The following NINL variants were observed in gnomAD, a reference collection of about 807,000 sequenced individuals.
The protein encoded by NINL is ninein like.
In NINL, 153 loss-of-function variants were observed where a neutral mutation model predicts 160.3. That is an observed-to-expected ratio of 0.95 (90% CI 0.84 to 1.09). The LOEUF is 1.09. Among genes scored for constraint, NINL ranks in the 50% least tolerant of loss-of-function variants. The probability of loss-of-function intolerance (pLI) is 0.00; values close to 1 mark genes in which losing one functional copy is unlikely to be tolerated. For missense variants in NINL, 1,829 were observed against 1,764.0 expected (o/e 1.04, Z -0.66); for synonymous variants, 800 against 734.8 (o/e 1.09, Z -1.43).
chr20:25,542,805 C>T (rs1233870273), intron 1 of NINL, among the ~76,000 whole-genome samples: 2 of 124,458 alleles, frequency 1.6e-5, no homozygotes, highest in African/African-American at 6.0e-5. Context: ...CTGAGGCGGG[C>T]GGATCATTTG....
intron 1 of NINL, among the ~76,000 whole-genome samples, chr20:25,529,003 G>C (rs1211942247): frequency 1.3e-5 from 2 of 152,176 alleles, no homozygotes; most frequent in African/African-American, 4.8e-5. Flanking sequence ...TACGGAAGTT[G>C]GAGTCAGAAA....
chr20:25,569,426 C>A (rs2065030685), intron 1 of NINL, among the ~76,000 whole-genome samples: 1 of 152,166 alleles, frequency 6.6e-6, no homozygotes, highest in South Asian at 2.1e-4. Flanking sequence ...CTGGGAGCGT[C>A]TGTGATAATG....
intron 2 of NINL, among the ~76,000 whole-genome samples, chr20:25,520,517 T>C (rs1372013563): frequency 6.6e-6 from 1 of 152,234 alleles, no homozygotes; most frequent in Non-Finnish European, 1.5e-5. Flanking sequence ...CCAGTTAAAA[T>C]GTGAGCTCAC....
chr20:25,517,851 T>G lies in NINL; in HGVS notation c.181-2A>C, dbSNP rs769329250. 6.3e-7 allele frequency: 1 copy of G among 1,592,610 alleles called. No homozygotes were observed. The highest frequency in any genetic ancestry group is 8.5e-7 in the Non-Finnish European group (1 of 1,171,870). The stretch of plus-strand genomic sequence containing the variant: ...TTCCTTAAATTCCTCAAAGTTAACC[T>G]GGGTGAATTGAAGGTGAGAGAGGAC... On this transcript the variant is annotated splice_acceptor_variant, in intron 2 of 23. Transcript: ENST00000278886. LOFTEE classifies it high-confidence loss of function.
intron 17 of NINL, 83 bp from the exon 18 acceptor site, chr20:25,470,178 TGAG>T: frequency 9.6e-7 from 1 of 1,039,436 alleles, no homozygotes; most frequent in Non-Finnish European, 1.5e-6. Flanking sequence ...CGGGGAGTCC[TGAG>T]AACTGTGCGT....
At chr20:25,579,366 G>C (rs1279506853) in intron 1 of NINL, among the ~76,000 whole-genome samples, 2 of 152,164 alleles carry the variant, frequency 1.3e-5, no homozygotes, top group African/African-American at 4.8e-5. Context: ...AAAACACTGA[G>C]AACAGTGCCT....
intron 13 of NINL, among the ~76,000 whole-genome samples, chr20:25,484,305 C>T (rs35705198): frequency 0.014 from 2,078 of 152,256 alleles, 16 homozygotes; most frequent in Admixed American, 0.038. Flanking sequence ...ATCTGGAGAC[C>T]GACCAGAAAG....
intron 17 of NINL, 50 bp downstream of exon 17, chr20:25,475,993 T>C (rs1289489320): frequency 6.4e-7 from 1 of 1,565,768 alleles, no homozygotes; most frequent in Non-Finnish European, 8.7e-7. Context: ...GGGTTAGTTC[T>C]GCATTTTTAG....
At chr20:25,541,012 C>T (rs533802577) in intron 1 of NINL, among the ~76,000 whole-genome samples, 36 of 151,444 alleles carry the variant, frequency 2.4e-4, no homozygotes, top group African/African-American at 8.5e-4. Context: ...AAGCTTATAC[C>T]TCATTTAAGT....
intron 1 of NINL, among the ~76,000 whole-genome samples, chr20:25,564,245 A>G (rs7263728): frequency 0.97 from 147,399 of 151,758 alleles, 71,721 homozygotes; most frequent in Non-Finnish European, 1. Context: ...TGCCTCCCAG[A>G]TTCAAGCAAT....
chr20:25,582,948 G>A (rs201404988), intron 1 of NINL, among the ~76,000 whole-genome samples: 1 of 152,284 alleles, frequency 6.6e-6, no homozygotes, highest in East Asian at 1.9e-4. Context: ...ACAGAAACTG[G>A]ACTCCTTCCT....
Position 25,480,183 on chromosome 20 carries a change from A to T in NINL, c.1895T>A (p.Leu632His), listed in dbSNP as rs1445307601. Residue 632 changes from leucine (L) to histidine (H), a missense_variant, in exon 15 of 24, where the codon CTC becomes CAC. Leu to His is a moderately conservative substitution (Grantham distance 99). Transcript: ENST00000278886. ...CACCTTGGTCTCCAGCTGGGTCCTG[A>T]GGTCTTGGTAATGCTCCTTTACCTG... ...MEQVKEHYQD[L>H]RTQLETKVNY... 1.2e-6 allele frequency: 2 copies of T among 1,613,850 alleles called. No individual in the cohort carries two copies. Among genetic ancestry groups the T allele is most frequent in the Non-Finnish European group, 1.7e-6 (2 of 1,179,870 alleles).
rs531740238 is a variant in NINL at position 25,548,663 on chromosome 20, C to T, written c.-11-22065G>A. On this transcript the variant is annotated intron_variant, in intron 1 of 23. Coordinates refer to ENST00000278886, the MANE Select transcript of NINL (RefSeq NM_025176.6). ...ACCCAGCCTCACCTAGGGCTGACCC[C>T]GGCACCCACGACCACACCTCCCACA... is the stretch of plus-strand genomic sequence containing the variant. 3.9e-4 allele frequency among the ~76,000 whole-genome samples: 59 copies of T among 149,990 alleles called. No homozygotes were observed. The East Asian group carries it at 0.011, about 28-fold the overall frequency.
intron 10 of NINL, among the ~76,000 whole-genome samples, chr20:25,493,376 G>A (rs1328944637): frequency 1.3e-5 from 2 of 152,142 alleles, no homozygotes; most frequent in Non-Finnish European, 2.9e-5. Flanking sequence ...CACCAACAGG[G>A]ATAGGTGGAT....
At chr20:25,480,318 C>T (rs369648201) in intron 14 of NINL, 51 bp from the exon 15 acceptor site, 26 of 1,472,780 alleles carry the variant, frequency 1.8e-5, no homozygotes, top group Non-Finnish European at 2.3e-5. Context: ...GCCACGGGGG[C>T]CCCTTCCAAA....
rs561463467 is a variant in NINL, at chr20:25,534,798, T to C, written c.-11-8200A>G. Among the ~76,000 whole-genome samples the C allele has an allele frequency of 7.2e-5, 11 of 152,360 alleles. No homozygotes were observed. The South Asian group carries it at 2.3e-3, about 32-fold the overall frequency. On this transcript the variant is annotated intron_variant, in intron 1 of 23. Coordinates refer to ENST00000278886, the MANE Select transcript of NINL (RefSeq NM_025176.6). ...ATGCTCAAGTCCCTCTATAAAATGA[T>C]GTAGTATTTGCCTATAACCTATGCA...
intron 1 of NINL, among the ~76,000 whole-genome samples, chr20:25,576,473 T>C (rs2065117189): frequency 6.6e-6 from 1 of 152,182 alleles, no homozygotes; most frequent in Non-Finnish European, 1.5e-5. Context: ...TTATTTTACT[T>C]TTTTGAGACA....
At chr20:25,581,446 T>TAA (rs10642894) in intron 1 of NINL, among the ~76,000 whole-genome samples, 138,853 of 147,332 alleles carry the variant, frequency 0.94, 65,744 homozygotes, top group East Asian at 0.99. Flanking sequence ...CTTCTCAGTT[T>TAA]AAAAAAAAAA....
rs73335394 is a variant in NINL at position 25,526,772 on chromosome 20, C to T, written c.-11-174G>A. Among the ~76,000 whole-genome samples the T allele has an allele frequency of 6.5e-3, 989 of 152,316 alleles. 15 individuals carry two copies. The highest frequency in any genetic ancestry group is 0.023 in the African/African-American group (947 of 41,562). On this transcript the variant is annotated intron_variant, in intron 1 of 23. Transcript: ENST00000278886. Reference sequence around the variant, plus strand: ...AAGCACACAGTGGGAGGACTCAGCTCCACCCTTGCAGGAGAGGCCAGAGCA... The same window carrying T: ...AAGCACACAGTGGGAGGACTCAGCTTCACCCTTGCAGGAGAGGCCAGAGCA...
Sources: allele counts gnomAD v4.1 joint callset (sites outside exome capture counted in the v4.1 genomes callset), GRCh38; gene constraint gnomAD v4.1.1; transcripts MANE v1.5; gene names NCBI Gene and HGNC (gene_info 2026-07-23, HGNC 2026-07-21).